Variants in ANKS1B observed in about 807,000 individuals in gnomAD.
ANKS1B encodes the protein ankyrin repeat and sterile alpha motif domain containing 1B.
In ANKS1B, 36 loss-of-function variants were observed where a neutral mutation model predicts 148.3. The observed-to-expected ratio is 0.24, with a 90% CI of 0.19 to 0.32. ANKS1B has a LOEUF of 0.32. ANKS1B is among the 10% of genes least tolerant of loss of function. ANKS1B has a pLI of 1.00. For synonymous variants in ANKS1B, 542 were observed against 560.8 expected, an observed-to-expected ratio of 0.97 and a Z score of 0.47; for missense variants, 1,157 against 1,542.6, an observed-to-expected ratio of 0.75 and a Z score of 4.19.
intron 9 of ANKS1B, among the ~76,000 whole-genome samples, chr12:99,644,550 C>CTCTTTACAT (rs1460820193): frequency 6.6e-6 from 1 of 152,190 alleles, no homozygotes; most frequent in Non-Finnish European, 1.5e-5. Context: ...GCAATCTAAG[C>CTCTTTACAT]TCTTTACATC....
At chr12:98,752,520 G>A (rs558935405) in intron 25 of ANKS1B, among the ~76,000 whole-genome samples, 1 of 152,218 alleles carries the variant, frequency 6.6e-6, no homozygotes, top group Admixed American at 6.5e-5. Flanking sequence ...GCCTCCCAAA[G>A]TGCTGGGATT....
chr12:98,852,836 C>A (rs556926630), intron 17 of ANKS1B, among the ~76,000 whole-genome samples: 1 of 152,176 alleles, frequency 6.6e-6, no homozygotes, highest in East Asian at 1.9e-4. Context: ...CTCGGGGGTG[C>A]AGGGTGAGTA....
intron 9 of ANKS1B, among the ~76,000 whole-genome samples, chr12:99,584,796 A>T (rs1478130125): frequency 6.6e-6 from 1 of 152,084 alleles, no homozygotes; most frequent in African/African-American, 2.4e-5. Flanking sequence ...TGCCCTTTAT[A>T]AAACCAACAG....
chr12:98,882,423 G>T (rs544080137), intron 17 of ANKS1B, among the ~76,000 whole-genome samples: 7 of 152,236 alleles, frequency 4.6e-5, no homozygotes, highest in African/African-American at 1.4e-4. Flanking sequence ...GAAAGGTATC[G>T]CAATGCTTTT....
intron 1 of ANKS1B, among the ~76,000 whole-genome samples, chr12:99,964,668 T>A (rs751742160): frequency 2.0e-5 from 3 of 152,142 alleles, no homozygotes; most frequent in East Asian, 3.9e-4. Flanking sequence ...CACCCCAGCA[T>A]GGGATGTCAG....
chr12:99,325,544 C>A (rs551844732), intron 12 of ANKS1B, among the ~76,000 whole-genome samples: 1 of 151,410 alleles, frequency 6.6e-6, no homozygotes, highest in East Asian at 1.9e-4. Context: ...ACAGCAGAAA[C>A]AACAGCGAAT....
chr12:99,442,982 C>G lies in ANKS1B; in HGVS notation c.1575+691G>C, dbSNP rs563213979. 8.8e-4 allele frequency among the ~76,000 whole-genome samples: 133 copies of G among 151,978 alleles called. 2 individuals are homozygous for G. In the South Asian group the frequency reaches 0.025, roughly 28 times the overall value. ...TCCATCTGTTGGCAAAAATATAATG[C>G]AAACAGCTTTATAAGTGCTATTTTC... On this transcript the variant is annotated intron_variant, in intron 11 of 26. Transcript: ENST00000683438.
intron 17 of ANKS1B, among the ~76,000 whole-genome samples, chr12:98,994,751 T>C (rs887735925): frequency 6.6e-6 from 1 of 152,140 alleles, no homozygotes; most frequent in African/African-American, 2.4e-5. Context: ...TCACACGGAC[T>C]TCCCTCTGAG....
At chr12:99,316,430 A>G (rs1033807796) in intron 12 of ANKS1B, among the ~76,000 whole-genome samples, 7 of 152,204 alleles carry the variant, frequency 4.6e-5, no homozygotes, top group African/African-American at 1.7e-4. Flanking sequence ...AGTGATGATA[A>G]GCATTTTTTC....
chr12:99,899,168 T>C (rs1267038306), intron 1 of ANKS1B, among the ~76,000 whole-genome samples: 1 of 152,204 alleles, frequency 6.6e-6, no homozygotes, highest in Non-Finnish European at 1.5e-5. Context: ...GGAAGTACTA[T>C]ATTTATCTTA....
At chr12:99,089,902 T>C (rs2053463998) in intron 15 of ANKS1B, among the ~76,000 whole-genome samples, 1 of 152,220 alleles carries the variant, frequency 6.6e-6, no homozygotes, top group African/African-American at 2.4e-5. Flanking sequence ...AGTTGTTTAG[T>C]TAATGACTTT....
chr12:99,888,693 C>T (rs1275322296), intron 1 of ANKS1B, among the ~76,000 whole-genome samples: 3 of 152,110 alleles, frequency 2.0e-5, no homozygotes, highest in African/African-American at 7.2e-5. Context: ...ACATCAGAGT[C>T]CCCTGATCAC....
chr12:98,745,241 C>T lies in ANKS1B; in HGVS notation c.*498G>A. On this transcript the variant is annotated 3_prime_UTR_variant, in exon 27 of 27. Transcript: ENST00000683438. Reference sequence around the variant, plus strand: ...CACGGGAGTTGTTTTTGTCCTTTTGCATTAAACGATACTCAATGATAGAAT... The same window carrying T: ...CACGGGAGTTGTTTTTGTCCTTTTGTATTAAACGATACTCAATGATAGAAT... The T allele has an allele frequency of 2.0e-6, 2 of 985,782 alleles. No individual in the cohort carries two copies. The highest frequency in any genetic ancestry group is 1.1e-4 in the East Asian group (1 of 8,814). 61.1% of individuals were successfully genotyped at this position (985,782 alleles called of 1,614,324 possible). A position where few individuals can be genotyped will look rare whatever the true frequency, so the allele number is the denominator to read the frequency against.
chr12:99,877,581 G>A (rs550240758), intron 1 of ANKS1B, among the ~76,000 whole-genome samples: 1 of 152,196 alleles, frequency 6.6e-6, no homozygotes, highest in Non-Finnish European at 1.5e-5. Flanking sequence ...TCATACATTT[G>A]TCAGTCATCC....
intron 15 of ANKS1B, among the ~76,000 whole-genome samples, chr12:99,090,319 T>A (rs1221278662): frequency 6.6e-6 from 1 of 152,206 alleles, no homozygotes; most frequent in African/African-American, 2.4e-5. Flanking sequence ...CTTTCCTTCA[T>A]ATTATATATT....
Position 98,811,495 on chromosome 12 carries a change from G to C in ANKS1B, c.3067-3577C>G, listed in dbSNP as rs61933594. On this transcript the variant is annotated intron_variant, in intron 19 of 26. Coordinates refer to ENST00000683438, the MANE Select transcript of ANKS1B (RefSeq NM_001352186.2). ...GTGCTATGTGACCTGCCTGGCAGAA[G>C]TCCAATTATGGATACCAAGGCCAGT... 5.6e-3 allele frequency among the ~76,000 whole-genome samples: 857 copies of C among 152,296 alleles called. 3 individuals are homozygous for C. The highest frequency in any genetic ancestry group is 0.01 in the Middle Eastern group (3 of 294).
intron 8 of ANKS1B, among the ~76,000 whole-genome samples, chr12:99,675,624 G>A (rs953206954): frequency 2.6e-5 from 4 of 151,578 alleles, no homozygotes; most frequent in African/African-American, 9.7e-5. Flanking sequence ...AAATATTACT[G>A]ATGTTATATG....
intron 12 of ANKS1B, among the ~76,000 whole-genome samples, chr12:99,250,305 C>G (rs998330351): frequency 2.0e-5 from 3 of 152,234 alleles, no homozygotes; most frequent in South Asian, 2.1e-4. Context: ...ATGGGCTCTA[C>G]GATTGTTAGT....
intron 11 of ANKS1B, among the ~76,000 whole-genome samples, chr12:99,428,482 C>T (rs2095304247): frequency 6.6e-6 from 1 of 152,166 alleles, no homozygotes; most frequent in East Asian, 1.9e-4. Context: ...AGGTTTCTGA[C>T]TGTCAGAGAA....
Sources: allele counts gnomAD v4.1 joint callset (sites outside exome capture counted in the v4.1 genomes callset), GRCh38; gene constraint gnomAD v4.1.1; transcripts MANE v1.5; gene names NCBI Gene and HGNC (gene_info 2026-07-23, HGNC 2026-07-21).